The following POLR2G variants were observed in gnomAD, a reference collection of about 807,000 sequenced individuals.
POLR2G encodes RNA polymerase II subunit G, also known as DNA-directed RNA polymerase II subunit RPB7.
A neutral mutation model predicts 25.7 loss-of-function variants in POLR2G; 19 were observed. The observed-to-expected ratio is 0.74, with a 90% CI of 0.52 to 1.08. The LOEUF (loss-of-function observed/expected upper bound fraction) is 1.08, where lower values mean the gene tolerates loss of function less well. Among genes scored for constraint, POLR2G ranks in the 50% least tolerant of loss-of-function variants. The pLI, the probability that POLR2G is intolerant of heterozygous loss-of-function variation, is 0.00. For missense variants in POLR2G, 123 were observed against 218.5 expected, an observed-to-expected ratio of 0.56 and a Z score of 2.76; for synonymous variants, 79 against 76.0, an observed-to-expected ratio of 1.04 and a Z score of -0.21.
At position 62,761,911 on chromosome 11, in the gene POLR2G, G is replaced by T; in HGVS notation, c.122+7G>T. On this transcript the variant is annotated splice_region_variant and intron_variant, in intron 2 of 7. Coordinates refer to ENST00000301788, the MANE Select transcript of POLR2G (RefSeq NM_002696.3). ...AGGGGACCTGCACAGGGAAGTGAGT[G>T]TCGAGCTCACCGCACCGCCAGATCG... The T allele has an allele frequency of 6.3e-7, 1 of 1,582,994 alleles. No homozygotes were observed. The highest frequency in any genetic ancestry group is 1.1e-5 in the South Asian group (1 of 90,574).
In POLR2G at chr11:62,761,591, G is replaced by A. The variant is rs1317390179; in HGVS notation, c.-58G>A. On this transcript the variant is annotated 5_prime_UTR_variant, in exon 1 of 8. It adds an upstream start codon to the 5' untranslated region. Transcript: ENST00000301788. The stretch of plus-strand genomic sequence containing the variant: ...GGGTTGCGGCGTCTAAGTGTTTCCG[G>A]TGGATTCCCAGGGACTGTCGGAGGT... 1 of 1,545,254 alleles carries A rather than the reference G, an allele frequency of 6.5e-7. No homozygotes were observed. The highest frequency in any genetic ancestry group is 2.3e-5 in the East Asian group (1 of 42,864).
At chr11:62,766,442 G>A in intron 7 of POLR2G, 52 bp from the exon 8 acceptor site, 1 of 1,609,190 alleles carries the variant, frequency 6.2e-7, no homozygotes, top group Non-Finnish European at 8.5e-7. Context: ...GTACATGGTT[G>A]TGGCTACCCT....
intron 3 of POLR2G, 28 bp from the exon 4 acceptor site, chr11:62,765,154 G>A (rs373334263): frequency 3.1e-6 from 5 of 1,609,724 alleles, no homozygotes; most frequent in Non-Finnish European, 4.2e-6. Flanking sequence ...ACCGTGCACG[G>A]CCGTAAGATC....
At chr11:62,763,586 G>A (rs1420252206) in intron 3 of POLR2G, among the ~76,000 whole-genome samples, 4 of 152,034 alleles carry the variant, frequency 2.6e-5, no homozygotes, top group Admixed American at 6.6e-5. Context: ...GAGCCACCGC[G>A]CCCGGCCTGC....
At chr11:62,765,161 G>A (rs1216658787) in intron 3 of POLR2G, 21 bp from the exon 4 acceptor site, 6 of 1,612,002 alleles carry the variant, frequency 3.7e-6, no homozygotes, top group South Asian at 3.3e-5. Flanking sequence ...ACGGCCGTAA[G>A]ATCACTCATT....
At position 62,763,012 on chromosome 11, in the gene POLR2G, A is replaced by T; in HGVS notation, c.268A>T (p.Thr90Ser). ...AGGGGAGGTCGTGGATGCTGTTGTC[A>T]CTCAGGTCAACAAGGTGAGACCATA... ...FKGEVVDAVV[T>S]QVNKVGLFTE... Residue 90 changes from threonine (T) to serine (S), a missense_variant, in exon 3 of 8, where the codon ACT (threonine) becomes TCT (serine). Physicochemically the swap from Thr to Ser is moderately conservative, Grantham distance 58. Coordinates refer to ENST00000301788, the MANE Select transcript of POLR2G (RefSeq NM_002696.3). 1.2e-6 allele frequency: 2 copies of T among 1,601,102 alleles called. No individual in the cohort carries two copies.
intron 3 of POLR2G, 112 bp downstream of exon 3, chr11:62,763,138 T>TA: frequency 1.8e-6 from 1 of 547,182 alleles, no homozygotes; most frequent in African/African-American, 2.0e-5. Context: ...ACTTTTTTTT[T>TA]TTTTTTTTTT....
Position 62,761,580 on chromosome 11 carries a change from A to G in POLR2G, c.-69A>G. ...GCGCGGAACTGGGGTTGCGGCGTCT[A>G]AGTGTTTCCGGTGGATTCCCAGGGA... On this transcript the variant is annotated 5_prime_UTR_variant, in exon 1 of 8. Transcript: ENST00000301788. 2.7e-6 allele frequency: 4 copies of G among 1,499,882 alleles called. No individual in the cohort carries two copies. The highest frequency in any genetic ancestry group is 1.2e-5 in the South Asian group (1 of 80,326). 92.9% of individuals were successfully genotyped at this position (1,499,882 alleles called of 1,614,324 possible).
At chr11:62,763,590 G>A (rs1368518213) in intron 3 of POLR2G, among the ~76,000 whole-genome samples, 1 of 151,986 alleles carries the variant, frequency 6.6e-6, no homozygotes, top group East Asian at 1.9e-4. Flanking sequence ...CACCGCGCCC[G>A]GCCTGCACTT....
intron 1 of POLR2G, 28 bp from the exon 2 acceptor site, chr11:62,761,767 C>G (rs2084090027): frequency 6.2e-7 from 1 of 1,609,626 alleles, no homozygotes; most frequent in East Asian, 2.2e-5. Flanking sequence ...AGCGCCTGGC[C>G]TGGTCGCCAT....
intron 7 of POLR2G, 65 bp downstream of exon 7, chr11:62,766,341 A>C: frequency 6.5e-7 from 1 of 1,535,508 alleles, no homozygotes; most frequent in African/African-American, 1.4e-5. Context: ...GGTGGGGAGT[A>C]ATATAGGATT....
At chr11:62,762,666 C>G (rs1167522556) in intron 2 of POLR2G, 1 of 640,586 alleles carries the variant, frequency 1.6e-6, no homozygotes, top group African/African-American at 1.8e-5. Flanking sequence ...TGTGAAATTA[C>G]CAGAACAGCA....
In POLR2G at chr11:62,765,372, C is replaced by T. The variant is rs2084110340; in HGVS notation, c.366C>T (p.Asn122=). 3.7e-6 allele frequency: 6 copies of T among 1,613,372 alleles called. No homozygotes were observed. The highest frequency in any genetic ancestry group is 5.1e-6 in the Non-Finnish European group (6 of 1,179,356). ...CTTCAGAGATGGAGTTTGATCCTAA[C>T]TCCAACCCACCATGTTACAAGACAA... ...SIPSEMEFDP[N]SNPPCYKTMD... The change falls in exon 5 of 8, where the codon AAC becomes AAT. Residue 122 remains asparagine, a synonymous_variant. Coordinates refer to ENST00000301788, the MANE Select transcript of POLR2G (RefSeq NM_002696.3).
chr11:62,766,459 C>G, intron 7 of POLR2G, 35 bp from the exon 8 acceptor site: 1 of 1,613,314 alleles, frequency 6.2e-7, no homozygotes, highest in Non-Finnish European at 8.5e-7. Context: ...CCCTAAATTC[C>G]GGTTCTAACT....
At chr11:62,762,454 C>T (rs2084093482) in intron 2 of POLR2G, 1 of 337,106 alleles carries the variant, frequency 3.0e-6, no homozygotes, top group East Asian at 7.6e-5. Flanking sequence ...AGCTGGGACC[C>T]AGCTCAGGGC....
At chr11:62,765,784 TTTTTC>T in intron 6 of POLR2G, 60 bp downstream of exon 6, 1 of 1,059,624 alleles carries the variant, frequency 9.4e-7, no homozygotes, top group Non-Finnish European at 1.5e-6. Flanking sequence ...GTCGATTTCT[TTTTTC>T]TTTTTTTTTT....
At chr11:62,762,648 A>G (rs1192413965) in intron 2 of POLR2G, 1 of 627,492 alleles carries the variant, frequency 1.6e-6, no homozygotes, top group Non-Finnish European at 3.0e-6. Context: ...GCCTTCTTGG[A>G]CATTTATTGT....
At position 62,766,099 on chromosome 11, in the gene POLR2G, T is replaced by C. The variant is rs558155674; in HGVS notation, c.472-144T>C. 145 of 789,802 alleles carry C rather than the reference T, an allele frequency of 1.8e-4. 2 individuals are homozygous for C. Among genetic ancestry groups the C allele is most frequent in the South Asian group, 1.7e-3 (116 of 69,378 alleles). 48.9% of individuals were successfully genotyped at this position (789,802 alleles called of 1,614,324 possible). Reference sequence around the variant, plus strand: ...ACCGCGCCTGGCCGAGAGCTGTCGATTTCTTACCACCCACAGTTTCAGGGG... The same window carrying C: ...ACCGCGCCTGGCCGAGAGCTGTCGACTTCTTACCACCCACAGTTTCAGGGG... On this transcript the variant is annotated intron_variant, in intron 6 of 7. Coordinates refer to ENST00000301788, the MANE Select transcript of POLR2G (RefSeq NM_002696.3).
intron 2 of POLR2G, chr11:62,762,407 C>G (rs1260284210): frequency 6.9e-6 from 2 of 290,446 alleles, no homozygotes; most frequent in Non-Finnish European, 1.4e-5. Context: ...TTGACCATCT[C>G]TGGGCTTTGC....
Sources: gnomAD v4.1 joint callset for allele counts (sites outside exome capture counted in the v4.1 genomes callset) on GRCh38, gnomAD v4.1.1 for gene constraint, MANE v1.5 for transcripts, NCBI Gene and HGNC (gene_info 2026-07-23, HGNC 2026-07-21) for gene names.